ZFP30: variants seen among roughly 807,000 people sequenced by gnomAD.
ZFP30 encodes zinc finger protein 30 homolog.
ZFP30 carries 16 observed loss-of-function variants against 12.3 expected under a neutral mutation model. The ratio of observed to expected loss-of-function variants is 1.30; its 90% CI spans 0.88 to 1.98. The LOEUF (loss-of-function observed/expected upper bound fraction) is 1.98. ZFP30 is among the 30% of genes most tolerant of loss of function. The pLI is 0.00. For synonymous variants in ZFP30, 172 were observed against 201.0 expected, an observed-to-expected ratio of 0.86 and a Z score of 1.22; for missense variants, 560 against 611.2, an observed-to-expected ratio of 0.92 and a Z score of 0.88.
chr19:37,651,154 C>CT (rs550743973), intron 2 of ZFP30, among the ~76,000 whole-genome samples: 2 of 152,120 alleles, frequency 1.3e-5, no homozygotes, highest in East Asian at 3.9e-4. Flanking sequence ...GTTATTTTGC[C>CT]TTTTTTGCAT....
intron 2 of ZFP30, among the ~76,000 whole-genome samples, chr19:37,654,291 C>A (rs1011023653): frequency 1.3e-5 from 2 of 152,132 alleles, no homozygotes; most frequent in African/African-American, 2.4e-5. Context: ...TGCTGCCAGA[C>A]CTCAAACCAC....
At chr19:37,638,867 A>C (rs1361792102) in intron 5 of ZFP30, among the ~76,000 whole-genome samples, 5 of 152,230 alleles carry the variant, frequency 3.3e-5, no homozygotes, top group African/African-American at 4.8e-5. Flanking sequence ...CTGGTATCCT[A>C]GTAAAGCTCT....
chr19:37,654,580 TC>T (rs993705771), intron 2 of ZFP30, 131 bp downstream of exon 2: 1 of 152,016 alleles, frequency 6.6e-6, no homozygotes, highest in African/African-American at 2.4e-5. Context: ...ATTAATTAGG[TC>T]CCCTGCCGTT....
chr19:37,642,049 T>C (rs1220655686), intron 5 of ZFP30, among the ~76,000 whole-genome samples: 1 of 152,222 alleles, frequency 6.6e-6, no homozygotes, highest in African/African-American at 2.4e-5. Context: ...GCTCTTTCAT[T>C]AGGAGAAACA....
At chr19:37,640,904 A>G (rs1461480637) in intron 5 of ZFP30, among the ~76,000 whole-genome samples, 1 of 152,162 alleles carries the variant, frequency 6.6e-6, no homozygotes, top group African/African-American at 2.4e-5. Context: ...GACCAAGACA[A>G]TTCTAATTAT....
intron 5 of ZFP30, among the ~76,000 whole-genome samples, chr19:37,642,630 A>T (rs2044458278): frequency 6.6e-6 from 1 of 152,194 alleles, no homozygotes; most frequent in African/African-American, 2.4e-5. Context: ...AAATGTATAC[A>T]TAAAAGTCAA....
intron 2 of ZFP30, among the ~76,000 whole-genome samples, chr19:37,654,271 A>G (rs1241566051): frequency 1.3e-5 from 2 of 152,120 alleles, no homozygotes; most frequent in Non-Finnish European, 2.9e-5. Flanking sequence ...ATATACCCAA[A>G]ATAAACTCAT....
At chr19:37,649,562 GCTCAC>G (rs1039782092) in intron 2 of ZFP30, among the ~76,000 whole-genome samples, 2 of 152,190 alleles carry the variant, frequency 1.3e-5, no homozygotes, top group Admixed American at 1.3e-4. Flanking sequence ...GAGTGCAGTG[GCTCAC>G]ACCTGTAATC....
intron 2 of ZFP30, among the ~76,000 whole-genome samples, chr19:37,648,476 A>AT (rs1215123174): frequency 6.7e-5 from 10 of 150,122 alleles, no homozygotes; most frequent in South Asian, 2.1e-4. Flanking sequence ...GGGATTTAGG[A>AT]TTTTTTTTTT....
intron 3 of ZFP30, among the ~76,000 whole-genome samples, chr19:37,645,226 A>G (rs28704996): frequency 6.6e-6 from 1 of 151,186 alleles, no homozygotes; most frequent in Non-Finnish European, 1.5e-5. Flanking sequence ...AAAAAAAAAG[A>G]AAAAAAAAGT....
rs1292867542 is a variant in ZFP30 at position 37,632,212 on chromosome 19, A to G, written c.*2769T>C. 6.6e-6 allele frequency: 1 copy of G among 152,024 alleles called. No homozygotes were observed. Among genetic ancestry groups the G allele is most frequent in the Non-Finnish European group, 1.5e-5 (1 of 67,994 alleles). 9.4% of individuals were successfully genotyped at this position (152,024 alleles called of 1,614,324 possible). On this transcript the variant is annotated 3_prime_UTR_variant, in exon 6 of 6. Coordinates refer to ENST00000684514, the MANE Select transcript of ZFP30 (RefSeq NM_001320669.3). ...CAGGCTCTCTTCATTCAGCATGTGA[A>G]GTCAATTTTAGTAATTTTTACCATA... is the stretch of plus-strand genomic sequence containing the variant.
intron 3 of ZFP30, among the ~76,000 whole-genome samples, chr19:37,647,495 C>T (rs1045749804): frequency 6.6e-6 from 1 of 152,202 alleles, no homozygotes; most frequent in Non-Finnish European, 1.5e-5. Flanking sequence ...GTAAGACATG[C>T]CTTTCACCTT....
In ZFP30 at chr19:37,631,324, A is replaced by G. The variant is rs1568374359; in HGVS notation, c.*3657T>C. 6.6e-6 allele frequency: 1 copy of G among 152,218 alleles called. No homozygotes were observed. The highest frequency in any genetic ancestry group is 2.4e-5 in the African/African-American group (1 of 41,460). 9.4% of individuals were successfully genotyped at this position (152,218 alleles called of 1,614,324 possible). A position where few individuals can be genotyped will look rare whatever the true frequency, so the allele number is the denominator to read the frequency against. On this transcript the variant is annotated 3_prime_UTR_variant, in exon 6 of 6. Transcript: ENST00000684514. ...CTCTCATTACTTCATTATTTGGAGA[A>G]GCTATAGTTTTATTTTCTTAATTAT...
At position 37,643,306 on chromosome 19, in the gene ZFP30, G is replaced by A. The variant is rs1167137558; in HGVS notation, c.194C>T (p.Pro65Leu). The change falls in exon 5 of 6, where the codon CCC (proline) becomes CTC (leucine). Residue 65 changes from proline to leucine, a missense_variant. Transcript: ENST00000684514. ...TTTCTCATCCCTCACAACCATCCAG[G>A]GCTCTTTCCCTTGTTCCAATAGGGT... ...VITLLEQGKE[P>L]WMVVRDEKRR... The A allele has an allele frequency of 3.7e-6, 6 of 1,610,806 alleles. No homozygotes were observed. Among genetic ancestry groups the A allele is most frequent in the Non-Finnish European group, 4.2e-6 (5 of 1,178,770 alleles).
intron 2 of ZFP30, among the ~76,000 whole-genome samples, chr19:37,649,092 T>A (rs2044598429): frequency 6.6e-6 from 1 of 151,656 alleles, no homozygotes; most frequent in African/African-American, 2.4e-5. Flanking sequence ...AAAATTTTTT[T>A]AAATTAGCTG....
intron 2 of ZFP30, among the ~76,000 whole-genome samples, chr19:37,651,862 G>C (rs568266843): frequency 6.6e-6 from 1 of 151,738 alleles, no homozygotes; most frequent in South Asian, 2.1e-4. Flanking sequence ...GGAATACTAA[G>C]GTAATCACTA....
intron 2 of ZFP30, among the ~76,000 whole-genome samples, chr19:37,648,887 T>C (rs1231746789): frequency 6.6e-6 from 1 of 152,116 alleles, no homozygotes; most frequent in Non-Finnish European, 1.5e-5. Context: ...CAATCTTTCT[T>C]GGTACTCAGA....
At position 37,635,181 on chromosome 19, in the gene ZFP30, T is replaced by A; in HGVS notation, c.1360A>T (p.Thr454Ser). The A allele has an allele frequency of 6.2e-7, 1 of 1,612,122 alleles. No individual in the cohort carries two copies. Among genetic ancestry groups the A allele is most frequent in the Non-Finnish European group, 8.5e-7 (1 of 1,178,902 alleles). The change falls in exon 6 of 6, where the codon ACC (threonine) becomes TCC (serine). Residue 454 changes from threonine (T) to serine (S), a missense_variant. Coordinates refer to ENST00000684514, the MANE Select transcript of ZFP30 (RefSeq NM_001320669.3). Reference protein sequence around the residue: ...EKTFRLLSQLTQHQSIHTGEK... With the variant: ...EKTFRLLSQLSQHQSIHTGEK... The stretch of plus-strand genomic sequence containing the variant: ...CCAGTATGAATACTTTGATGTTGGG[T>A]AAGTTGTGAAAGCAGTCTAAAAGTC...
At chr19:37,645,015 C>T (rs1168934825) in intron 3 of ZFP30, among the ~76,000 whole-genome samples, 2 of 151,984 alleles carry the variant, frequency 1.3e-5, no homozygotes, top group Non-Finnish European at 2.9e-5. Context: ...ACCATCCTGG[C>T]CAACATAGTG....
Sources: gnomAD v4.1 joint callset for allele counts (sites outside exome capture counted in the v4.1 genomes callset) on GRCh38, gnomAD v4.1.1 for gene constraint, MANE v1.5 for transcripts, NCBI Gene and HGNC (gene_info 2026-07-23, HGNC 2026-07-21) for gene names.